HKDC1: variants seen among roughly 807,000 people sequenced by gnomAD.
HKDC1 encodes the protein hexokinase domain containing 1, also known as hexokinase HKDC1.
HKDC1 carries 66 observed loss-of-function variants against 96.6 expected under a neutral mutation model. The observed-to-expected ratio is 0.68, with a 90% CI of 0.56 to 0.84. The LOEUF (loss-of-function observed/expected upper bound fraction) is 0.84. HKDC1 is among the 40% of genes least tolerant of loss of function. The probability of loss-of-function intolerance (pLI) is 0.00; values close to 1 mark genes in which losing one functional copy is unlikely to be tolerated. For synonymous variants in HKDC1, 466 were observed against 473.1 expected (o/e 0.98, Z 0.20); for missense variants, 1,211 against 1,208.1 (o/e 1.00, Z -0.04).
At chr10:69,265,849 G>C (rs1449999867) in intron 17 of HKDC1, 31 bp downstream of exon 17, 1 of 1,498,678 alleles carries the variant, frequency 6.7e-7, no homozygotes, top group South Asian at 1.2e-5. Flanking sequence ...TGGCGGGTGG[G>C]GCTGGGGAGG....
chr10:69,253,852 A>G (rs990531109), intron 12 of HKDC1, among the ~76,000 whole-genome samples: 2 of 152,152 alleles, frequency 1.3e-5, no homozygotes, highest in African/African-American at 4.8e-5. Flanking sequence ...GCTTGTGGAG[A>G]GGAGCTCTGT....
chr10:69,258,252 AGAGGT>A (rs1294308672), intron 14 of HKDC1, among the ~76,000 whole-genome samples: 1 of 152,140 alleles, frequency 6.6e-6, no homozygotes, highest in Non-Finnish European at 1.5e-5. Flanking sequence ...AGGAGAGCAA[AGAGGT>A]GAGGCCTGTT....
intron 1 of HKDC1, among the ~76,000 whole-genome samples, chr10:69,224,155 CTG>C (rs1843112592): frequency 6.6e-6 from 1 of 151,610 alleles, no homozygotes. Context: ...TTGCAGTGAG[CTG>C]TGATTGCACC....
At chr10:69,253,513 G>A (rs759911796) in intron 12 of HKDC1, among the ~76,000 whole-genome samples, 1 of 152,176 alleles carries the variant, frequency 6.6e-6, no homozygotes, top group African/African-American at 2.4e-5. Context: ...TGTCTCTACT[G>A]TTTCCCATAT....
chr10:69,221,129 G>T (rs1169877234), intron 1 of HKDC1, among the ~76,000 whole-genome samples: 1 of 152,084 alleles, frequency 6.6e-6, no homozygotes, highest in African/African-American at 2.4e-5. Flanking sequence ...CAGCCTAGGG[G>T]ACAAGAGTGA....
intron 12 of HKDC1, among the ~76,000 whole-genome samples, chr10:69,252,104 A>G (rs116288103): frequency 0.018 from 2,782 of 152,290 alleles, 85 homozygotes; most frequent in African/African-American, 0.062. Flanking sequence ...GAAGCAATTG[A>G]TCACATGGCC....
intron 1 of HKDC1, among the ~76,000 whole-genome samples, chr10:69,224,082 C>A (rs1257175944): frequency 2.0e-5 from 3 of 150,434 alleles, no homozygotes; most frequent in Non-Finnish European, 4.4e-5. Context: ...GTGGCACATG[C>A]CTGTAGTCCC....
chr10:69,235,406 C>T (rs986258849), intron 4 of HKDC1, among the ~76,000 whole-genome samples: 13 of 151,806 alleles, frequency 8.6e-5, no homozygotes, highest in Non-Finnish European at 1.5e-4. Context: ...TGGGTGACAG[C>T]GCGAGACTCT....
At chr10:69,241,262 C>T (rs924611752) in intron 6 of HKDC1, among the ~76,000 whole-genome samples, 7 of 152,058 alleles carry the variant, frequency 4.6e-5, no homozygotes, top group African/African-American at 1.7e-4. Flanking sequence ...GGGAAGGGGT[C>T]CAGGGAGGGG....
At chr10:69,261,515 C>A in intron 16 of HKDC1, 1 of 474,032 alleles carries the variant, frequency 2.1e-6, no homozygotes, top group Non-Finnish European at 3.8e-6. Flanking sequence ...CCTGCTGTCC[C>A]CATCCTCAGG....
In HKDC1 at chr10:69,241,306, G is replaced by A. The variant is rs116033721; in HGVS notation, c.691+555G>A. Among the ~76,000 whole-genome samples the A allele has an allele frequency of 9.9e-3, 1,513 of 152,098 alleles. 16 individuals are homozygous for A. Among genetic ancestry groups the A allele is most frequent in the South Asian group, 0.046 (222 of 4,808 alleles). Reference sequence around the variant, plus strand: ...GGAACCCTATAGCCGAGTGGTGTCCGGATGAGGTGAGTGAAGGCTGAGAGT... The same window carrying A: ...GGAACCCTATAGCCGAGTGGTGTCCAGATGAGGTGAGTGAAGGCTGAGAGT... On this transcript the variant is annotated intron_variant, in intron 6 of 17. Coordinates refer to ENST00000354624, the MANE Select transcript of HKDC1 (RefSeq NM_025130.4).
At chr10:69,240,912 T>C (rs1219865610) in intron 6 of HKDC1, among the ~76,000 whole-genome samples, 161 bp downstream of exon 6, 2 of 151,934 alleles carry the variant, frequency 1.3e-5, no homozygotes, top group African/African-American at 4.8e-5. Flanking sequence ...ATTCGACAAG[T>C]GTTTACTGAG....
At position 69,262,407 on chromosome 10, in the gene HKDC1, C is replaced by T. The variant is rs1490574727; in HGVS notation, c.2372+1113C>T. Among the ~76,000 whole-genome samples, 6 of 151,926 alleles carry T rather than the reference C, an allele frequency of 3.9e-5. No individual in the cohort carries two copies. In the East Asian group the frequency reaches 9.6e-4, roughly 24 times the overall value. On this transcript the variant is annotated intron_variant, in intron 16 of 17. Coordinates refer to ENST00000354624, the MANE Select transcript of HKDC1 (RefSeq NM_025130.4). ...GGTTAAAAGAGTATTTCACCATGGG[C>T]GCAGTGTTTTTTTTTTTAAAGTAGT...
rs899907403 is a variant in HKDC1 at position 69,243,428 on chromosome 10, C to T, written c.875+63C>T. On this transcript the variant is annotated intron_variant, in intron 7 of 17. Coordinates refer to ENST00000354624, the MANE Select transcript of HKDC1 (RefSeq NM_025130.4). ...AGGCAGTGCCTAATCACTCAGGTCC[C>T]CTGGCTACCTGGGAGGCTTTCCAGT... is the stretch of plus-strand genomic sequence containing the variant. 5.6e-5 allele frequency: 78 copies of T among 1,389,236 alleles called. No homozygotes were observed. In the African/African-American group the frequency reaches 1.1e-3, roughly 20 times the overall value. The allele number at this position is 1,389,236 out of a possible 1,614,324, so 86.1% of individuals were successfully genotyped here. A position where few individuals can be genotyped will look rare whatever the true frequency, so the allele number is the denominator to read the frequency against.
chr10:69,263,013 G>A (rs902771947), intron 16 of HKDC1, among the ~76,000 whole-genome samples: 32 of 152,116 alleles, frequency 2.1e-4, no homozygotes, highest in African/African-American at 7.7e-4. Flanking sequence ...TGCTTCTGCT[G>A]CACAAGAGGT....
In HKDC1 at chr10:69,243,351, C is replaced by A; in HGVS notation, c.861C>A (p.Asn287Lys). The change falls in exon 7 of 18, where the codon AAC becomes AAA. Residue 287 changes from asparagine to lysine, a missense_variant. Coordinates refer to ENST00000354624, the MANE Select transcript of HKDC1 (RefSeq NM_025130.4). Reference sequence around the variant, plus strand: ...GGGAGCTGGACCTCGGCTCTCTCAACCCAGGAAAGCAACTGTGAGTTCCCT... The same window carrying A: ...GGGAGCTGGACCTCGGCTCTCTCAAACCAGGAAAGCAACTGTGAGTTCCCT... ...FDRELDLGSL[N>K]PGKQLFEKMI... The A allele has an allele frequency of 6.3e-7, 1 of 1,586,088 alleles. No homozygotes were observed. Among genetic ancestry groups the A allele is most frequent in the Non-Finnish European group, 8.6e-7 (1 of 1,165,716 alleles).
Position 69,258,853 on chromosome 10 carries a change from A to G in HKDC1, c.2110A>G (p.Ile704Val). ...MVEGGEGKMC[I>V]NTEWGGFGDN... ...GGAGGGGGGTGAAGGGAAGATGTGC[A>G]TCAATACAGAGTGGGGAGGATTTGG... is the stretch of plus-strand genomic sequence containing the variant. The change falls in exon 15 of 18, where the codon ATC becomes GTC. Residue 704 changes from isoleucine to valine, a missense_variant. Ile to Val is a conservative substitution (Grantham distance 29). Coordinates refer to ENST00000354624, the MANE Select transcript of HKDC1 (RefSeq NM_025130.4). The G allele has an allele frequency of 6.2e-7, 1 of 1,614,056 alleles. No homozygotes were observed.
chr10:69,234,651 TG>T (rs1376840832), intron 4 of HKDC1, among the ~76,000 whole-genome samples: 1 of 152,248 alleles, frequency 6.6e-6, no homozygotes, highest in East Asian at 1.9e-4. Flanking sequence ...ACACTGTGGT[TG>T]GGCCTTACAC....
At chr10:69,264,764 T>C (rs1843865854) in intron 16 of HKDC1, among the ~76,000 whole-genome samples, 1 of 152,200 alleles carries the variant, frequency 6.6e-6, no homozygotes, top group African/African-American at 2.4e-5. Context: ...TGTTTCTCAA[T>C]TGTCTTTCTT....
Sources: allele counts gnomAD v4.1 joint callset (sites outside exome capture counted in the v4.1 genomes callset), GRCh38; gene constraint gnomAD v4.1.1; transcripts MANE v1.5; gene names NCBI Gene and HGNC (gene_info 2026-07-23, HGNC 2026-07-21).